GNE: variants seen among roughly 807,000 people sequenced by gnomAD.
GNE encodes glucosamine (UDP-N-acetyl)-2-epimerase/N-acetylmannosamine kinase, also known as bifunctional UDP-N-acetylglucosamine 2-epimerase/N-acetylmannosamine kinase.
Under a neutral mutation model 61.8 loss-of-function variants are expected in GNE, and 41 were observed. The observed-to-expected ratio is 0.66, with a 90% CI of 0.52 to 0.86. The LOEUF is 0.86. Ranked by LOEUF, GNE falls within the 40% of genes least tolerant of loss-of-function variation. The probability of loss-of-function intolerance (pLI) is 0.00; values close to 1 mark genes in which losing one functional copy is unlikely to be tolerated. For missense variants in GNE, 608 were observed against 909.1 expected (o/e 0.67, Z 4.26); for synonymous variants, 264 against 326.4 (o/e 0.81, Z 2.06).
Position 36,216,180 on chromosome 9 carries a change from T to TATG in GNE, c.*1182_*1184dup. The TATG allele has an allele frequency of 2.4e-6, 1 of 419,098 alleles. No homozygotes were observed. Among genetic ancestry groups the TATG allele is most frequent in the South Asian group, 1.7e-5 (1 of 59,518 alleles). 26.0% of individuals were successfully genotyped at this position (419,098 alleles called of 1,614,324 possible). A position where few individuals can be genotyped will look rare whatever the true frequency, so the allele number is the denominator to read the frequency against. On this transcript the variant is annotated 3_prime_UTR_variant, in exon 12 of 12. Coordinates refer to ENST00000642385, the MANE Select transcript of GNE (RefSeq NM_005476.7). The stretch of plus-strand genomic sequence containing the variant: ...GTGGTGATGCTTTCACAGGTATACA[T>TATG]ATGTCAAGGCTTATCAAATTGTAGG...
At chr9:36,248,318 CTTT>C (rs551725041) in intron 2 of GNE, among the ~76,000 whole-genome samples, 4 of 142,150 alleles carry the variant, frequency 2.8e-5, no homozygotes, top group African/African-American at 7.7e-5. Context: ...TCAACCTTTG[CTTT>C]TTTTTTTTTT....
chr9:36,244,163 T>C (rs903154413), intron 3 of GNE, among the ~76,000 whole-genome samples: 4 of 151,902 alleles, frequency 2.6e-5, no homozygotes, highest in Non-Finnish European at 5.9e-5. Context: ...AGCGTCTTGC[T>C]ATGTTGCCCA....
intron 2 of GNE, among the ~76,000 whole-genome samples, chr9:36,248,026 C>CAAA (rs34605685): frequency 2.5e-5 from 2 of 80,860 alleles, no homozygotes; most frequent in Non-Finnish European, 4.8e-5. Flanking sequence ...AACTCCGTCT[C>CAAA]AAAAAAAAAA....
chr9:36,226,532 T>A (rs1375831322), intron 7 of GNE, among the ~76,000 whole-genome samples: 3 of 152,162 alleles, frequency 2.0e-5, no homozygotes, highest in African/African-American at 4.8e-5. Flanking sequence ...TCTTGGCTTT[T>A]CTTGAGAAAA....
At chr9:36,272,118 T>C (rs1587391053) in intron 1 of GNE, among the ~76,000 whole-genome samples, 1 of 152,142 alleles carries the variant, frequency 6.6e-6, no homozygotes, top group East Asian at 1.9e-4. Flanking sequence ...AACAGCATGG[T>C]GAATTTAAAA....
At chr9:36,276,810 C>T in intron 1 of GNE, 1 of 1,025,292 alleles carries the variant, frequency 9.8e-7, no homozygotes, top group Non-Finnish European at 1.5e-6. Flanking sequence ...CTTTCCTCTT[C>T]CTCTTTGTAA....
chr9:36,249,482 A>T, intron 1 of GNE, 85 bp from the exon 2 acceptor site: 1 of 918,642 alleles, frequency 1.1e-6, no homozygotes, highest in Non-Finnish European at 1.6e-6. Flanking sequence ...CAGAAATAGA[A>T]ATTTTCAGTT....
rs767777879 is a variant in GNE, at chr9:36,249,371, T to C, written c.-16A>G. 2 of 1,612,104 alleles carry C rather than the reference T, an allele frequency of 1.2e-6. No individual in the cohort carries two copies. Among genetic ancestry groups the C allele is most frequent in the Non-Finnish European group, 1.7e-6 (2 of 1,178,338 alleles). ...TCTTCTCCATGATTTGCTTGTTTCGTTTTGAGAGGTTCTTAAAATAGAGTT... is the reference window on the plus strand; with the variant it reads ...TCTTCTCCATGATTTGCTTGTTTCGCTTTGAGAGGTTCTTAAAATAGAGTT... On this transcript the variant is annotated 5_prime_UTR_variant, in exon 2 of 12. Transcript: ENST00000642385.
intron 5 of GNE, among the ~76,000 whole-genome samples, chr9:36,231,091 AAGAGAG>A (rs749133221): frequency 7.4e-6 from 1 of 135,916 alleles, no homozygotes; most frequent in Non-Finnish European, 1.6e-5. Flanking sequence ...AAAAGAAAGA[AAGAGAG>A]AGAGAGAAAG....
chr9:36,276,317 T>G (rs985318217), intron 1 of GNE, among the ~76,000 whole-genome samples: 1 of 152,162 alleles, frequency 6.6e-6, no homozygotes, highest in Non-Finnish European at 1.5e-5. Flanking sequence ...CAATGAAAAA[T>G]TAGGTTTAAT....
At chr9:36,271,712 G>A (rs1389389925) in intron 1 of GNE, among the ~76,000 whole-genome samples, 3 of 152,024 alleles carry the variant, frequency 2.0e-5, no homozygotes, top group African/African-American at 7.2e-5. Flanking sequence ...TGAATTACCT[G>A]GTATCTTTGA....
In GNE at chr9:36,267,312, C is replaced by G. The variant is rs535952487; in HGVS notation, c.51+9582G>C. 2.0e-5 allele frequency among the ~76,000 whole-genome samples: 3 copies of G among 152,318 alleles called. No individual in the cohort carries two copies. In the East Asian group the frequency reaches 5.8e-4, roughly 29 times the overall value. ...TAGAGCACCTGTGGTGGTGAGCCAT[C>G]CCTATGCTCCTTTGCCAATCATAGA... On this transcript the variant is annotated intron_variant, in intron 1 of 11. Transcript: ENST00000396594.
chr9:36,238,207 C>T lies in GNE; in HGVS notation c.617-1223G>A, dbSNP rs1829483700. 2.0e-5 allele frequency among the ~76,000 whole-genome samples: 3 copies of T among 152,042 alleles called. No individual in the cohort carries two copies. The South Asian group carries it at 6.2e-4, about 32-fold the overall frequency. On this transcript the variant is annotated intron_variant, in intron 3 of 11. Coordinates refer to ENST00000642385, the MANE Select transcript of GNE (RefSeq NM_005476.7). ...TGATTAATGGGCATTTGGTTGGTTC[C>T]ATGACTTTGCAATTGTGAATTGTGC...
upstream of GNE, among the ~76,000 whole-genome samples, chr9:36,261,922 CAAA>C (rs34856029): frequency 1.7e-4 from 22 of 129,942 alleles, no homozygotes; most frequent in East Asian, 2.4e-4. Flanking sequence ...GACTCAATCT[CAAA>C]AAAAAAAAAA....
At chr9:36,232,443 A>G (rs1326305450) in intron 5 of GNE, among the ~76,000 whole-genome samples, 3 of 151,786 alleles carry the variant, frequency 2.0e-5, no homozygotes, top group Non-Finnish European at 4.4e-5. Flanking sequence ...AAAAATTCCA[A>G]ATGACTTACC....
intron 6 of GNE, among the ~76,000 whole-genome samples, chr9:36,228,358 C>T (rs1828989031): frequency 6.6e-6 from 1 of 151,452 alleles, no homozygotes. Context: ...CGATTTGAAA[C>T]AGAAAGGAGG....
At chr9:36,245,067 C>T (rs1010572934) in intron 3 of GNE, among the ~76,000 whole-genome samples, 2 of 151,786 alleles carry the variant, frequency 1.3e-5, no homozygotes, top group Non-Finnish European at 2.9e-5. Context: ...CACCTGAGGT[C>T]AGGAGTTCGA....
intron 4 of GNE, among the ~76,000 whole-genome samples, chr9:36,235,148 A>G (rs1410513105): frequency 1.3e-5 from 2 of 152,134 alleles, no homozygotes; most frequent in African/African-American, 4.8e-5. Flanking sequence ...TGAGCGTCAT[A>G]TTGGTGCTCA....
Position 36,217,346 on chromosome 9 carries a change from C to CTGTTCCTGG in GNE, c.*18_*19insCCAGGAACA. 2.7e-6 allele frequency: 4 copies of CTGTTCCTGG among 1,508,060 alleles called. No individual in the cohort carries two copies. The highest frequency in any genetic ancestry group is 3.7e-6 in the Non-Finnish European group (4 of 1,084,828). The allele number at this position is 1,508,060 out of a possible 1,614,324, so 93.4% of individuals were successfully genotyped here. On this transcript the variant is annotated 3_prime_UTR_variant, in exon 12 of 12. Coordinates refer to ENST00000642385, the MANE Select transcript of GNE (RefSeq NM_005476.7). The stretch of plus-strand genomic sequence containing the variant: ...ACTCAGGAGCTCTGGAGAGAAGGTC[C>CTGTTCCTGG]ATGTCTGTTCCTGGAGGTCTAGTAG...
Sources: gnomAD v4.1 joint callset for allele counts (sites outside exome capture counted in the v4.1 genomes callset) on GRCh38, gnomAD v4.1.1 for gene constraint, MANE v1.5 for transcripts, NCBI Gene and HGNC (gene_info 2026-07-23, HGNC 2026-07-21) for gene names.